Variants in TNFRSF13C observed in about 807,000 individuals in gnomAD.
TNFRSF13C encodes TNF receptor superfamily member 13C, also known as tumor necrosis factor receptor superfamily member 13C.
In TNFRSF13C, 7 loss-of-function variants were observed where a neutral mutation model predicts 12.1. The ratio of observed to expected loss-of-function variants is 0.58; its 90% CI spans 0.33 to 1.08. The LOEUF is 1.08. Among genes scored for constraint, TNFRSF13C ranks in the 50% least tolerant of loss-of-function variants. The probability of loss-of-function intolerance (pLI) is 0.04; values close to 1 mark genes in which losing one functional copy is unlikely to be tolerated. For missense variants in TNFRSF13C, 260 were observed against 265.9 expected, an observed-to-expected ratio of 0.98 and a Z score of 0.15; for synonymous variants, 157 against 130.8, an observed-to-expected ratio of 1.20 and a Z score of -1.37.
Position 41,922,700 on chromosome 22 carries a change from G to A in TNFRSF13C, c.*2667C>T, listed in dbSNP as rs2077611526. ...GAGATGGGGTGGCCAGGAGAAGATG[G>A]GGTGGCCAGGAGAAGATGGGGTGGG... On this transcript the variant is annotated 3_prime_UTR_variant, in exon 3 of 3. Transcript: ENST00000291232. The A allele has an allele frequency of 1.3e-5, 2 of 149,222 alleles. No homozygotes were observed. The highest frequency in any genetic ancestry group is 1.3e-4 in the Admixed American group (2 of 15,024). 9.2% of individuals were successfully genotyped at this position (149,222 alleles called of 1,614,324 possible).
In TNFRSF13C at chr22:41,922,517, T is replaced by G. The variant is rs1375623780; in HGVS notation, c.*2850A>C. 6.6e-6 allele frequency: 1 copy of G among 152,156 alleles called. No homozygotes were observed. The highest frequency in any genetic ancestry group is 1.9e-4 in the East Asian group (1 of 5,190). The allele number at this position is 152,156 out of a possible 1,614,324, so 9.4% of individuals were successfully genotyped here. A position where few individuals can be genotyped will look rare whatever the true frequency, so the allele number is the denominator to read the frequency against. On this transcript the variant is annotated 3_prime_UTR_variant, in exon 3 of 3. Transcript: ENST00000291232. ...AACTCAGGGGAAACTTCCTACCGGC[T>G]GGCGGGGCCAGCTGGGACAGAGAGA...
chr22:41,926,251 G>A lies in TNFRSF13C; in HGVS notation c.217C>T (p.Pro73Ser). 6.6e-7 allele frequency: 1 copy of A among 1,517,364 alleles called. No homozygotes were observed. The highest frequency in any genetic ancestry group is 8.8e-7 in the Non-Finnish European group (1 of 1,139,426). The allele number at this position is 1,517,364 out of a possible 1,614,324, so 94.0% of individuals were successfully genotyped here. Residue 73 changes from proline to serine, a missense_variant, in exon 2 of 3, where the codon CCC becomes TCC. By Grantham distance (74) the Pro-to-Ser change is moderately conservative. Transcript: ENST00000291232. The surrounding 1 kb of genome is among the most constrained non-coding windows in gnomAD (Gnocchi z 4.9). ...VGAGAGEAAL[P>S]LPGLLFGAPA... is the part of the protein sequence containing the mutation. ...GCGCCAAAGAGCAGCCCGGGCAGGG[G>A]CAGCGCCGCCTCGCCGGCCCCCGCG... is the stretch of plus-strand genomic sequence containing the variant.
rs1359862766 is a variant in TNFRSF13C at position 41,926,361 on chromosome 22, CA to C, written c.137-31del. 3 of 1,329,114 alleles carry C rather than the reference CA, an allele frequency of 2.3e-6. No individual in the cohort carries two copies. In the African/African-American group the frequency reaches 4.7e-5, roughly 21 times the overall value. The allele number at this position is 1,329,114 out of a possible 1,614,324, so 82.3% of individuals were successfully genotyped here. On this transcript the variant is annotated intron_variant, in intron 1 of 2. Coordinates refer to ENST00000291232, the MANE Select transcript of TNFRSF13C (RefSeq NM_052945.4). This position sits in a 1 kb window ranked among gnomAD's most constrained non-coding sequence, Gnocchi z 4.9. ...TTCGGGAGGGGACAGGGAGGGAGGC[CA>C]GGGGGCCGAGGGGAGGGAGGAGCGG...
chr22:41,926,741 C>G lies in TNFRSF13C; in HGVS notation c.33G>C (p.Arg11Ser). 2.2e-6 allele frequency: 3 copies of G among 1,393,650 alleles called. No individual in the cohort carries two copies. The highest frequency in any genetic ancestry group is 2.8e-6 in the Non-Finnish European group (3 of 1,076,876). The allele number at this position is 1,393,650 out of a possible 1,614,324, so 86.3% of individuals were successfully genotyped here. ...CGCAGGGCGTGGGGGCTGGCGCGTC[C>G]CTGCCCCGCAGGCTCCGGGGCCCTC... MRRGPRSLRG[R>S]DAPAPTPCVP... Residue 11 changes from arginine (R) to serine (S), a missense_variant, in exon 1 of 3, where the codon AGG becomes AGC. Physicochemically the swap from Arg to Ser is moderately radical, Grantham distance 110 (BLOSUM62 -1). Transcript: ENST00000291232. The surrounding 1 kb of genome is among the most constrained non-coding windows in gnomAD (Gnocchi z 4.9).
At position 41,924,949 on chromosome 22, in the gene TNFRSF13C, C is replaced by CAAAAAAAAAAAAAAAAAAAAAA. The variant is rs750334567; in HGVS notation, c.*396_*417dup. 1 of 45,318 alleles carries CAAAAAAAAAAAAAAAAAAAAAA rather than the reference C, an allele frequency of 2.2e-5. No individual in the cohort carries two copies. The highest frequency in any genetic ancestry group is 2.9e-4 in the Admixed American group (1 of 3,482). 2.8% of individuals were successfully genotyped at this position (45,318 alleles called of 1,614,324 possible). A position where few individuals can be genotyped will look rare whatever the true frequency, so the allele number is the denominator to read the frequency against. On this transcript the variant is annotated 3_prime_UTR_variant, in exon 3 of 3. Coordinates refer to ENST00000291232, the MANE Select transcript of TNFRSF13C (RefSeq NM_052945.4). Reference sequence around the variant, plus strand: ...CCTGGCGACAGAGCAAGACTCGTCTCAAAAAAAAAAAAAAAAAAAAAAAAA... The same window carrying CAAAAAAAAAAAAAAAAAAAAAA: ...CCTGGCGACAGAGCAAGACTCGTCTCAAAAAAAAAAAAAAAAAAAAAAAAAAAAAAAAAAAAAAAAAAAAAAA...
At position 41,926,622 on chromosome 22, in the gene TNFRSF13C, C is replaced by A. The variant is rs1223308371; in HGVS notation, c.136+16G>T. The stretch of plus-strand genomic sequence containing the variant: ...CCGCAGCTGCCGGCGCCGCGCGCCC[C>A]GTGGGTCCCCCTTACCCGGTTTCGG... On this transcript the variant is annotated intron_variant, in intron 1 of 2. Coordinates refer to ENST00000291232, the MANE Select transcript of TNFRSF13C (RefSeq NM_052945.4). The surrounding 1 kb of genome is among the most constrained non-coding windows in gnomAD (Gnocchi z 4.9). 2 of 1,430,992 alleles carry A rather than the reference C, an allele frequency of 1.4e-6. No individual in the cohort carries two copies. The highest frequency in any genetic ancestry group is 1.8e-6 in the Non-Finnish European group (2 of 1,095,558). 88.6% of individuals were successfully genotyped at this position (1,430,992 alleles called of 1,614,324 possible).
Position 41,925,319 on chromosome 22 carries a change from G to C in TNFRSF13C, c.*48C>G. 4 of 1,552,494 alleles carry C rather than the reference G, an allele frequency of 2.6e-6. No individual in the cohort carries two copies. Among genetic ancestry groups the C allele is most frequent in the Non-Finnish European group, 1.7e-6 (2 of 1,153,822 alleles). ...GCTGAATTTGATTTCCAAGCCCCTGGCTGGGGGTCCAGAGGGAGGGCAGGG... is the reference window on the plus strand; with the variant it reads ...GCTGAATTTGATTTCCAAGCCCCTGCCTGGGGGTCCAGAGGGAGGGCAGGG... On this transcript the variant is annotated 3_prime_UTR_variant, in exon 3 of 3. Transcript: ENST00000291232.
chr22:41,925,485 G>A lies in TNFRSF13C; in HGVS notation c.437C>T (p.Pro146Leu). 6.2e-7 allele frequency: 1 copy of A among 1,613,466 alleles called. No individual in the cohort carries two copies. The highest frequency in any genetic ancestry group is 8.5e-7 in the Non-Finnish European group (1 of 1,180,000). The change falls in exon 3 of 3, where the codon CCT becomes CTT. Residue 146 changes from proline to leucine, a missense_variant. By Grantham distance (98) the Pro-to-Leu change is moderately conservative (BLOSUM62 -3). Transcript: ENST00000291232. ...GGTTCCTGGGTCTTCCCCAGGAGGA[G>A]GCCAGGCAGGAGCTGTGGCATCAGA... ...GISDATAPAWPPPGEDPGTTP... is the reference protein window; with the variant it reads ...GISDATAPAWLPPGEDPGTTP...
In TNFRSF13C at chr22:41,926,789, G is replaced by A. The variant is rs1376967330; in HGVS notation, c.-16C>T. ...CTCGCCTCATGGTGCCGACGCCGCC[G>A]CACAAGCTGCGGGGACTGAGGCTGA... On this transcript the variant is annotated 5_prime_UTR_variant, in exon 1 of 3. Coordinates refer to ENST00000291232, the MANE Select transcript of TNFRSF13C (RefSeq NM_052945.4). This position sits in a 1 kb window ranked among gnomAD's most constrained non-coding sequence, Gnocchi z 4.9. 7 of 1,312,134 alleles carry A rather than the reference G, an allele frequency of 5.3e-6. No homozygotes were observed. The East Asian group carries it at 1.9e-4, about 35-fold the overall frequency. 81.3% of individuals were successfully genotyped at this position (1,312,134 alleles called of 1,614,324 possible).
chr22:41,926,525 G>A lies in TNFRSF13C; in HGVS notation c.136+113C>T, dbSNP rs899814854. 2.9e-5 allele frequency: 37 copies of A among 1,268,588 alleles called. No individual in the cohort carries two copies. In the East Asian group the frequency reaches 1.2e-3, roughly 41 times the overall value. 78.6% of individuals were successfully genotyped at this position (1,268,588 alleles called of 1,614,324 possible). On this transcript the variant is annotated intron_variant, in intron 1 of 2. Transcript: ENST00000291232. The surrounding 1 kb of genome is among the most constrained non-coding windows in gnomAD (Gnocchi z 4.9). ...GGCCCCTCCAGGCCCTGCCCACAGG[G>A]TCCTTTCAGCCCTCGGCGCCCCCGG... is the stretch of plus-strand genomic sequence containing the variant.
Position 41,925,333 on chromosome 22 carries a change from G to T in TNFRSF13C, c.*34C>A. ...CCAAGCCCCTGGCTGGGGGTCCAGA[G>T]GGAGGGCAGGGGCCACCTCCTGCCG... is the stretch of plus-strand genomic sequence containing the variant. On this transcript the variant is annotated 3_prime_UTR_variant, in exon 3 of 3. Coordinates refer to ENST00000291232, the MANE Select transcript of TNFRSF13C (RefSeq NM_052945.4). 1.3e-6 allele frequency: 2 copies of T among 1,579,276 alleles called. No homozygotes were observed. The highest frequency in any genetic ancestry group is 1.7e-6 in the Non-Finnish European group (2 of 1,167,028).
At chr22:41,925,576 G>T (rs768826643) in intron 2 of TNFRSF13C, 22 bp from the exon 3 acceptor site, 4 of 1,610,132 alleles carry the variant, frequency 2.5e-6, no homozygotes, top group East Asian at 2.2e-5. Context: ...GGGGGTAGAG[G>T]CTCCGTACTC....
chr22:41,924,949 C>CAA lies in TNFRSF13C; in HGVS notation c.*416_*417dup, dbSNP rs750334567. The CAA allele has an allele frequency of 1.6e-3, 74 of 45,334 alleles. 4 individuals carry two copies. Among genetic ancestry groups the CAA allele is most frequent in the Middle Eastern group, 0.016 (1 of 62 alleles). 2.8% of individuals were successfully genotyped at this position (45,334 alleles called of 1,614,324 possible). A position where few individuals can be genotyped will look rare whatever the true frequency, so the allele number is the denominator to read the frequency against. Reference sequence around the variant, plus strand: ...CCTGGCGACAGAGCAAGACTCGTCTCAAAAAAAAAAAAAAAAAAAAAAAAA... The same window carrying CAA: ...CCTGGCGACAGAGCAAGACTCGTCTCAAAAAAAAAAAAAAAAAAAAAAAAAAA... On this transcript the variant is annotated 3_prime_UTR_variant, in exon 3 of 3. Transcript: ENST00000291232.
chr22:41,925,531 T>C lies in TNFRSF13C; in HGVS notation c.391A>G (p.Ile131Val). 1 of 1,613,300 alleles carries C rather than the reference T, an allele frequency of 6.2e-7. No homozygotes were observed. The highest frequency in any genetic ancestry group is 1.1e-5 in the South Asian group (1 of 91,082). The part of the protein sequence containing the change: ...KDAPEPLDKV[I>V]ILSPGISDAT... ...TCAGAGATTCCCGGAGACAGAATGATGACCTTGTCCAGGGGCTCTGGGGCT... is the reference window on the plus strand; with the variant it reads ...TCAGAGATTCCCGGAGACAGAATGACGACCTTGTCCAGGGGCTCTGGGGCT... Residue 131 changes from isoleucine to valine, a missense_variant, in exon 3 of 3, where the codon ATC (isoleucine) becomes GTC (valine). Ile to Val is a conservative substitution (Grantham distance 29). Transcript: ENST00000291232.
At position 41,926,342 on chromosome 22, in the gene TNFRSF13C, AG is replaced by A; in HGVS notation, c.137-12del. On this transcript the variant is annotated splice_polypyrimidine_tract_variant and intron_variant, in intron 1 of 2. Coordinates refer to ENST00000291232, the MANE Select transcript of TNFRSF13C (RefSeq NM_052945.4). The surrounding 1 kb of genome is among the most constrained non-coding windows in gnomAD (Gnocchi z 4.9). Reference sequence around the variant, plus strand: ...GGCTGCTGGCCCCGGCTGCTTCGGGAGGGGACAGGGAGGGAGGCCAGGGGGC... The same window carrying A: ...GGCTGCTGGCCCCGGCTGCTTCGGGAGGGACAGGGAGGGAGGCCAGGGGGC... The A allele has an allele frequency of 8.6e-7, 1 of 1,158,714 alleles. No homozygotes were observed. Among genetic ancestry groups the A allele is most frequent in the Non-Finnish European group, 1.1e-6 (1 of 936,786 alleles). 71.8% of individuals were successfully genotyped at this position (1,158,714 alleles called of 1,614,324 possible).
intron 2 of TNFRSF13C, among the ~76,000 whole-genome samples, chr22:41,925,892 T>G (rs543110447): frequency 1.3e-5 from 2 of 152,168 alleles, no homozygotes; most frequent in Non-Finnish European, 2.9e-5. Context: ...AGGGCAGAGC[T>G]GTTCCTGGCT....
rs73165134 is a variant in TNFRSF13C, at chr22:41,926,012, C to G, written c.367+89G>C. 116,129 of 1,539,828 alleles carry G rather than the reference C, an allele frequency of 0.075. 4,707 individuals carry two copies. The highest frequency in any genetic ancestry group is 0.11 in the East Asian group (4,770 of 44,056). ...TTCCCCTTAAAGCCCTTCTCTCCCCCTCAGGGGCCATGCATCTCCCCCTAG... is the reference window on the plus strand; with the variant it reads ...TTCCCCTTAAAGCCCTTCTCTCCCCGTCAGGGGCCATGCATCTCCCCCTAG... On this transcript the variant is annotated intron_variant, in intron 2 of 2. Transcript: ENST00000291232. The surrounding 1 kb of genome is among the most constrained non-coding windows in gnomAD (Gnocchi z 4.9).
In TNFRSF13C at chr22:41,924,313, C is replaced by T. The variant is rs1224508868; in HGVS notation, c.*1054G>A. ...CATCCTGGCTAATACGGTGACACCC[C>T]GTCTCTACTAAAAATACAAAAAAAA... is the stretch of plus-strand genomic sequence containing the variant. On this transcript the variant is annotated 3_prime_UTR_variant, in exon 3 of 3. Coordinates refer to ENST00000291232, the MANE Select transcript of TNFRSF13C (RefSeq NM_052945.4). 2 of 151,308 alleles carry T rather than the reference C, an allele frequency of 1.3e-5. No homozygotes were observed. Among genetic ancestry groups the T allele is most frequent in the Admixed American group, 6.6e-5 (1 of 15,176 alleles). The allele number at this position is 151,308 out of a possible 1,614,324, so 9.4% of individuals were successfully genotyped here. A position where few individuals can be genotyped will look rare whatever the true frequency, so the allele number is the denominator to read the frequency against.
Position 41,926,643 on chromosome 22 carries a change from T to C in TNFRSF13C, c.131A>G (p.Lys44Arg). The change falls in exon 1 of 3, where the codon AAA (lysine) becomes AGA (arginine). Residue 44 changes from lysine to arginine, a missense_variant. Lys to Arg is a conservative substitution (Grantham distance 26). Transcript: ENST00000291232. This position sits in a 1 kb window ranked among gnomAD's most constrained non-coding sequence, Gnocchi z 4.9. ...ACGLLRTPRP[K>R]PAGASSPAPR... ...GCCCCGTGGGTCCCCCTTACCCGGT[T>C]TCGGCCGCGGCGTGCGCAGGAGCCC... 6.9e-7 allele frequency: 1 copy of C among 1,459,412 alleles called. No homozygotes were observed. The highest frequency in any genetic ancestry group is 9.0e-7 in the Non-Finnish European group (1 of 1,110,832). The allele number at this position is 1,459,412 out of a possible 1,614,324, so 90.4% of individuals were successfully genotyped here.
Sources: gnomAD v4.1 joint callset for allele counts (sites outside exome capture counted in the v4.1 genomes callset) on GRCh38, gnomAD v4.1.1 for gene constraint, Gnocchi (gnomAD v3.1) non-coding constraint, MANE v1.5 for transcripts, NCBI Gene and HGNC (gene_info 2026-07-23, HGNC 2026-07-21) for gene names.